Variants in SORBS2 observed in about 807,000 individuals in gnomAD.
SORBS2 encodes sorbin and SH3 domain containing 2, also known as sorbin and SH3 domain-containing protein 2.
A neutral mutation model predicts 97.7 loss-of-function variants in SORBS2; 46 were observed. That is an observed-to-expected ratio of 0.47 (90% CI 0.37 to 0.60). The LOEUF is 0.60. Among genes scored for constraint, SORBS2 ranks in the 20% least tolerant of loss-of-function variants. The pLI is 0.00. For missense variants in SORBS2, 1,316 were observed against 1,282.3 expected (o/e 1.03, Z -0.40); for synonymous variants, 476 against 473.4 (o/e 1.01, Z -0.07).
At chr4:185,846,799 G>T (rs929306261) in intron 1 of SORBS2, among the ~76,000 whole-genome samples, 5 of 152,180 alleles carry the variant, frequency 3.3e-5, no homozygotes, top group Admixed American at 3.3e-4. Context: ...TCAAACCAGG[G>T]AAAGTTTGGG....
intron 7 of SORBS2, among the ~76,000 whole-genome samples, chr4:185,620,630 C>T (rs1381217978): frequency 6.6e-6 from 1 of 151,894 alleles, no homozygotes; most frequent in African/African-American, 2.4e-5. Flanking sequence ...GAGATAAAAC[C>T]AAAGAAAGTA....
chr4:185,663,089 G>A (rs1406468431), intron 4 of SORBS2, among the ~76,000 whole-genome samples: 1 of 152,140 alleles, frequency 6.6e-6, no homozygotes. Flanking sequence ...TCGAGCTCAG[G>A]ACTATTAAGC....
At chr4:185,706,194 C>G (rs1028959764) in intron 2 of SORBS2, among the ~76,000 whole-genome samples, 4 of 152,146 alleles carry the variant, frequency 2.6e-5, no homozygotes, top group Non-Finnish European at 4.4e-5. Context: ...TAAACAAAAG[C>G]ATTTTTACTA....
intron 1 of SORBS2, among the ~76,000 whole-genome samples, chr4:185,948,466 A>G (rs961023712): frequency 1.3e-5 from 2 of 150,684 alleles, no homozygotes; most frequent in Non-Finnish European, 3.0e-5. Flanking sequence ...CATAAATGTA[A>G]TGGGGAAGAC....
chr4:185,620,210 T>G, intron 7 of SORBS2, 59 bp from the exon 20 acceptor site: 2 of 1,124,978 alleles, frequency 1.8e-6, no homozygotes, highest in Non-Finnish European at 2.7e-6. Context: ...AGCCAACCTG[T>G]TCCGCCATTT....
chr4:185,820,541 T>A (rs954051150), intron 1 of SORBS2, among the ~76,000 whole-genome samples: 1 of 151,974 alleles, frequency 6.6e-6, no homozygotes, highest in Non-Finnish European at 1.5e-5. Context: ...AGTCCTGCAG[T>A]TGGGGAAGGA....
At chr4:185,755,796 G>A (rs377491758) in intron 2 of SORBS2, among the ~76,000 whole-genome samples, 1 of 152,090 alleles carries the variant, frequency 6.6e-6, no homozygotes, top group East Asian at 1.9e-4. Context: ...CTATACATAA[G>A]AAAGGAAATG....
At chr4:185,675,069 T>C (rs779620503) in intron 4 of SORBS2, 12 of 152,340 alleles carry the variant, frequency 7.9e-5, no homozygotes, top group Middle Eastern at 3.4e-3. Context: ...CTTGAATAAA[T>C]AGCAGTGACA....
intron 3 of SORBS2, among the ~76,000 whole-genome samples, chr4:185,648,366 G>A (rs1480029858): frequency 6.6e-6 from 1 of 152,036 alleles, no homozygotes; most frequent in East Asian, 1.9e-4. Flanking sequence ...GCCGGGCGTG[G>A]TGGCTGGTGC....
intron 12 of SORBS2, among the ~76,000 whole-genome samples, chr4:185,600,631 G>A (rs1421839363): frequency 6.6e-6 from 1 of 152,152 alleles, no homozygotes; most frequent in Non-Finnish European, 1.5e-5. Context: ...CAGCCACTGC[G>A]CCCGGCCAAG....
rs927030930 is a variant in SORBS2 at position 185,653,150 on chromosome 4, C to T, written c.25-422G>A. The stretch of plus-strand genomic sequence containing the variant: ...TGTAAGACAGTGTTTTCAGAATTAA[C>T]TGGGGAATATTTTTGACTCAAATTG... On this transcript the variant is annotated intron_variant, in intron 1 of 14. Coordinates refer to ENST00000418609, the Ensembl canonical transcript of SORBS2. Among the ~76,000 whole-genome samples, 7 of 152,126 alleles carry T rather than the reference C, an allele frequency of 4.6e-5. No individual in the cohort carries two copies. The East Asian group carries it at 1.3e-3, about 29-fold the overall frequency.
intron 1 of SORBS2, among the ~76,000 whole-genome samples, chr4:185,868,159 C>CTTTTTT (rs112680775): frequency 0.11 from 11,929 of 104,124 alleles, 1,315 homozygotes; most frequent in African/African-American, 0.18. Context: ...TTTTTTCTTT[C>CTTTTTT]TTTTTTTTTT....
At chr4:185,803,854 T>C (rs1452310725) in intron 1 of SORBS2, among the ~76,000 whole-genome samples, 2 of 152,222 alleles carry the variant, frequency 1.3e-5, no homozygotes, top group African/African-American at 2.4e-5. Context: ...TCTGAGTTAC[T>C]GCCCTAAGAC....
intron 2 of SORBS2, among the ~76,000 whole-genome samples, chr4:185,742,490 G>A (rs1444105170): frequency 3.9e-5 from 6 of 152,038 alleles, no homozygotes; most frequent in African/African-American, 9.7e-5. Flanking sequence ...CCAGACATAC[G>A]GATCCAGAAA....
chr4:185,891,376 C>T (rs779916027), intron 1 of SORBS2, among the ~76,000 whole-genome samples: 14 of 152,296 alleles, frequency 9.2e-5, no homozygotes, highest in East Asian at 7.7e-4. Flanking sequence ...CAAACCTACA[C>T]GGCCTTTGCA....
Position 185,646,434 on chromosome 4 carries a change from AAT to A in SORBS2, c.396+232_396+233del, listed in dbSNP as rs971663288. On this transcript the variant is annotated intron_variant, in intron 4 of 14. Transcript: ENST00000418609. The stretch of plus-strand genomic sequence containing the variant: ...GTGTGTGTGTATATATATATATATA[AAT>A]ACACACACATACACACACACATACA... The A allele has an allele frequency of 7.2e-4, 226 of 312,908 alleles. 2 individuals carry two copies. The East Asian group carries it at 9.9e-3, about 14-fold the overall frequency. 19.4% of individuals were successfully genotyped at this position (312,908 alleles called of 1,614,324 possible).
chr4:185,595,360 C>G (rs1049978259), intron 12 of SORBS2, among the ~76,000 whole-genome samples: 1 of 152,048 alleles, frequency 6.6e-6, no homozygotes. Context: ...AATGATGTAT[C>G]TATTATTAAA....
intron 4 of SORBS2, among the ~76,000 whole-genome samples, chr4:185,670,089 G>T (rs1215877476): frequency 6.6e-6 from 1 of 151,924 alleles, no homozygotes; most frequent in African/African-American, 2.4e-5. Context: ...CGTGATGGCA[G>T]GTGCCTGTAA....
At chr4:185,674,972 A>C (rs1231523316) in intron 4 of SORBS2, 5 of 152,150 alleles carry the variant, frequency 3.3e-5, no homozygotes, top group Non-Finnish European at 7.3e-5. Flanking sequence ...CCTGCCACAC[A>C]CAGACAAATT....
Sources: allele counts gnomAD v4.1 joint callset (sites outside exome capture counted in the v4.1 genomes callset), GRCh38; gene constraint gnomAD v4.1.1; transcripts MANE v1.5; gene names NCBI Gene and HGNC (gene_info 2026-07-23, HGNC 2026-07-21).